CCDC85A: variants seen among roughly 807,000 people sequenced by gnomAD.
CCDC85A encodes coiled-coil domain-containing protein 85A.
A neutral mutation model predicts 50.2 loss-of-function variants in CCDC85A; 38 were observed. That is an observed-to-expected ratio of 0.76 (90% CI 0.58 to 0.99). CCDC85A has a LOEUF of 0.99. CCDC85A is among the 50% of genes least tolerant of loss of function. The pLI is 0.00. For synonymous variants in CCDC85A, 366 were observed against 301.4 expected (o/e 1.21, Z -2.22); for missense variants, 820 against 742.0 (o/e 1.11, Z -1.22).
intron 2 of CCDC85A, among the ~76,000 whole-genome samples, chr2:56,200,602 C>G (rs1202893287): frequency 9.2e-5 from 14 of 152,160 alleles, no homozygotes; most frequent in African/African-American, 3.1e-4. Context: ...AACCTCTGCT[C>G]TTTCTTAGAT....
At chr2:56,329,943 C>CTTTTTTTTTTTTTTTTTTTTT (rs1336192523) in intron 2 of CCDC85A, among the ~76,000 whole-genome samples, 2 of 22,874 alleles carry the variant, frequency 8.7e-5, no homozygotes, top group African/African-American at 1.4e-4. Flanking sequence ...TACAGATTTC[C>CTTTTTTTTTTTTTTTTTTTTT]TGTTTTTTTT....
chr2:56,194,667 A>C (rs941205045), intron 2 of CCDC85A, among the ~76,000 whole-genome samples: 1 of 152,212 alleles, frequency 6.6e-6, no homozygotes, highest in African/African-American at 2.4e-5. Context: ...CTTGACTTCA[A>C]ATGCATGCAA....
At chr2:56,307,291 A>C (rs919844539) in intron 2 of CCDC85A, among the ~76,000 whole-genome samples, 10 of 152,302 alleles carry the variant, frequency 6.6e-5, no homozygotes, top group Non-Finnish European at 1.5e-4. Context: ...TGTCATGATG[A>C]AATATATTAA....
At chr2:56,361,902 G>A (rs1215223738) in intron 3 of CCDC85A, among the ~76,000 whole-genome samples, 1 of 152,174 alleles carries the variant, frequency 6.6e-6, no homozygotes, top group Non-Finnish European at 1.5e-5. Context: ...AGGGAGAGGG[G>A]ACATTGGTAC....
At chr2:56,254,494 C>G (rs907557395) in intron 2 of CCDC85A, among the ~76,000 whole-genome samples, 6 of 152,154 alleles carry the variant, frequency 3.9e-5, no homozygotes, top group African/African-American at 1.4e-4. Flanking sequence ...TCACCAAGCA[C>G]TGTGTTAGAC....
chr2:56,216,120 A>G lies in CCDC85A; in HGVS notation c.1240+22680A>G, dbSNP rs538280623. ...TGGCAAAAATTTGCTGACCTCTGCT[A>G]TATAGTATCCCATTGGATGAATATT... On this transcript the variant is annotated intron_variant, in intron 2 of 5. Transcript: ENST00000407595. Among the ~76,000 whole-genome samples, 4 of 152,042 alleles carry G rather than the reference A, an allele frequency of 2.6e-5. No individual in the cohort carries two copies. The South Asian group carries it at 6.2e-4, about 24-fold the overall frequency.
At chr2:56,243,312 C>T (rs186072925) in intron 2 of CCDC85A, among the ~76,000 whole-genome samples, 9 of 152,078 alleles carry the variant, frequency 5.9e-5, no homozygotes, top group Admixed American at 5.2e-4. Flanking sequence ...TGTAGGAGTG[C>T]TTCATTTTTT....
intron 2 of CCDC85A, among the ~76,000 whole-genome samples, chr2:56,216,012 A>G (rs1267071710): frequency 6.6e-6 from 1 of 151,956 alleles, no homozygotes; most frequent in Non-Finnish European, 1.5e-5. Flanking sequence ...CTACATTTGC[A>G]CTACAGTGGC....
In CCDC85A at chr2:56,384,337, G is replaced by A. The variant is rs546723030; in HGVS notation, c.1644G>A (p.Gln548=). Residue 548 remains glutamine, a synonymous_variant, in exon 6 of 6, where the codon CAG becomes CAA. Coordinates refer to ENST00000407595, the MANE Select transcript of CCDC85A (RefSeq NM_001080433.2). ...TTAGGCAACATTTGTCAGGAAACCA[G>A]TACAAAGGACCAATGTGAGATGCAC... The part of the protein sequence containing the change: ...PGIRQHLSGN[Q]YKGPM 1.2e-6 allele frequency: 2 copies of A among 1,611,134 alleles called. No individual in the cohort carries two copies. The highest frequency in any genetic ancestry group is 1.7e-5 in the Admixed American group (1 of 59,770).
chr2:56,204,522 G>A (rs553904970), intron 2 of CCDC85A, among the ~76,000 whole-genome samples: 1 of 152,298 alleles, frequency 6.6e-6, no homozygotes, highest in South Asian at 2.1e-4. Flanking sequence ...GGAAACCACA[G>A]TCCATGCTGC....
intron 2 of CCDC85A, among the ~76,000 whole-genome samples, chr2:56,221,960 C>A (rs1668346223): frequency 6.6e-6 from 1 of 152,026 alleles, no homozygotes; most frequent in Non-Finnish European, 1.5e-5. Flanking sequence ...AAAGTGGAAG[C>A]AAGTGCACAA....
chr2:56,225,552 T>A (rs1263413582), intron 2 of CCDC85A, among the ~76,000 whole-genome samples: 2 of 152,208 alleles, frequency 1.3e-5, no homozygotes, highest in Admixed American at 1.3e-4. Context: ...TGTAGTAAGT[T>A]TTGAAATCAG....
intron 3 of CCDC85A, among the ~76,000 whole-genome samples, chr2:56,349,050 T>A (rs17047816): frequency 0.011 from 1,645 of 152,304 alleles, 33 homozygotes; most frequent in African/African-American, 0.036. Flanking sequence ...GTTATTTGCA[T>A]AGAAATTACC....
intron 2 of CCDC85A, among the ~76,000 whole-genome samples, chr2:56,232,501 C>A (rs137865699): frequency 4.6e-5 from 7 of 152,248 alleles, no homozygotes; most frequent in East Asian, 1.9e-4. Context: ...CTGTGCTGTT[C>A]TTGTGATAGT....
chr2:56,269,334 GGTGTGT>G lies in CCDC85A; in HGVS notation c.1241-73522_1241-73517del, dbSNP rs70955014. 6.0e-5 allele frequency among the ~76,000 whole-genome samples: 9 copies of G among 149,278 alleles called. No individual in the cohort carries two copies. In the East Asian group the frequency reaches 9.9e-4, roughly 16 times the overall value. On this transcript the variant is annotated intron_variant, in intron 2 of 5. Coordinates refer to ENST00000407595, the MANE Select transcript of CCDC85A (RefSeq NM_001080433.2). The stretch of plus-strand genomic sequence containing the variant: ...GCACACTACCATACTCCTTGGCAAG[GGTGTGT>G]GTGTGTGTGTGTGTGTGTGTGTTTG...
intron 2 of CCDC85A, among the ~76,000 whole-genome samples, chr2:56,248,739 C>T (rs886215946): frequency 3.3e-5 from 5 of 152,170 alleles, no homozygotes; most frequent in African/African-American, 1.2e-4. Context: ...CAGGGCTGAG[C>T]TGAGTGCCAC....
intron 2 of CCDC85A, among the ~76,000 whole-genome samples, chr2:56,194,978 G>A (rs1273276325): frequency 1.3e-5 from 2 of 151,838 alleles, no homozygotes; most frequent in South Asian, 4.2e-4. Flanking sequence ...CATTGGACAT[G>A]AAGCTTGTCT....
At chr2:56,326,438 A>G (rs1342177084) in intron 2 of CCDC85A, among the ~76,000 whole-genome samples, 2 of 152,144 alleles carry the variant, frequency 1.3e-5, no homozygotes, top group African/African-American at 4.8e-5. Flanking sequence ...CCTAGTAAGT[A>G]TTTAGTGAAG....
chr2:56,343,992 T>G (rs908644268), intron 3 of CCDC85A, among the ~76,000 whole-genome samples: 1 of 152,128 alleles, frequency 6.6e-6, no homozygotes, highest in Non-Finnish European at 1.5e-5. Flanking sequence ...GTACTGCACA[T>G]AAGAATCCTT....
Sources: gnomAD v4.1 joint callset for allele counts (sites outside exome capture counted in the v4.1 genomes callset) on GRCh38, gnomAD v4.1.1 for gene constraint, MANE v1.5 for transcripts, NCBI Gene and HGNC (gene_info 2026-07-23, HGNC 2026-07-21) for gene names.